Variants in EMSY observed in about 807,000 individuals in gnomAD.
EMSY encodes the protein EMSY transcriptional repressor, BRCA2 interacting.
Under a neutral mutation model 134.6 loss-of-function variants are expected in EMSY, and 26 were observed. The observed-to-expected ratio is 0.19, with a 90% CI of 0.14 to 0.27. The LOEUF is 0.27. Among genes scored for constraint, EMSY ranks in the 10% least tolerant of loss-of-function variants. EMSY has a pLI of 1.00. For missense variants in EMSY, 1,305 were observed against 1,611.4 expected, an observed-to-expected ratio of 0.81 and a Z score of 3.26; for synonymous variants, 579 against 577.8, an observed-to-expected ratio of 1.00 and a Z score of -0.03.
At chr11:76,505,934 C>T (rs562766292) in intron 9 of EMSY, among the ~76,000 whole-genome samples, 3 of 151,818 alleles carry the variant, frequency 2.0e-5, no homozygotes, top group South Asian at 2.1e-4. Flanking sequence ...TAGGCCAAGG[C>T]GAGAGAATCA....
At chr11:76,545,265 A>G (rs1951600398) in intron 19 of EMSY, among the ~76,000 whole-genome samples, 1 of 152,056 alleles carries the variant, frequency 6.6e-6, no homozygotes, top group African/African-American at 2.4e-5. Context: ...AGTTAACTTT[A>G]TTTTTTAGAT....
chr11:76,474,115 CA>C (rs11407539), intron 8 of EMSY, among the ~76,000 whole-genome samples: 1,384 of 128,630 alleles, frequency 0.011, 20 homozygotes, highest in East Asian at 0.059. Flanking sequence ...GACCCTGTCT[CA>C]AAAAAAAAAA....
intron 8 of EMSY, among the ~76,000 whole-genome samples, chr11:76,483,169 G>A (rs1054405814): frequency 3.3e-5 from 5 of 152,084 alleles, no homozygotes; most frequent in African/African-American, 1.2e-4. Context: ...ATAAGTGAAG[G>A]AGAAATAAAA....
intron 4 of EMSY, among the ~76,000 whole-genome samples, chr11:76,456,576 T>A (rs1240554571): frequency 1.3e-5 from 2 of 152,194 alleles, no homozygotes; most frequent in Non-Finnish European, 2.9e-5. Context: ...CCTCTAACAA[T>A]GAGCTTTTCT....
At chr11:76,465,466 G>A (rs1590809430) in intron 7 of EMSY, among the ~76,000 whole-genome samples, 1 of 151,792 alleles carries the variant, frequency 6.6e-6, no homozygotes, top group African/African-American at 2.4e-5. Context: ...AATTGTTACA[G>A]CCTTGCACGT....
At chr11:76,535,830 G>T (rs867384276) in intron 14 of EMSY, 65 bp from the exon 16 acceptor site, 394 of 907,090 alleles carry the variant, frequency 4.3e-4, no homozygotes, top group African/African-American at 4.3e-3. Context: ...AAAATTGTTT[G>T]TTTTTTTTTT....
chr11:76,472,515 ATTAGTAGT>A (rs1565290860), intron 7 of EMSY, 41 bp from the exon 9 acceptor site: 2 of 1,518,214 alleles, frequency 1.3e-6, no homozygotes, highest in Non-Finnish European at 9.1e-7. Context: ...GTCTAGATAC[ATTAGTAGT>A]TTAGTAGGTA....
At chr11:76,469,954 T>C (rs1948508372) in intron 7 of EMSY, among the ~76,000 whole-genome samples, 1 of 152,246 alleles carries the variant, frequency 6.6e-6, no homozygotes, top group South Asian at 2.1e-4. Flanking sequence ...GCTGATCTTA[T>C]GTATCTTTCT....
exon 21 of EMSY, chr11:76,550,098 G>A (rs1951793898): frequency 6.2e-7 from 1 of 1,613,658 alleles, no homozygotes; most frequent in Admixed American, 1.7e-5. Flanking sequence ...GTAGCACGGA[G>A]GATGGAACTG....
At chr11:76,511,655 G>A (rs891189013) in intron 9 of EMSY, among the ~76,000 whole-genome samples, 1 of 152,016 alleles carries the variant, frequency 6.6e-6, no homozygotes, top group Non-Finnish European at 1.5e-5. Context: ...AGCTGAGATT[G>A]CACCACTGTA....
intron 8 of EMSY, among the ~76,000 whole-genome samples, chr11:76,478,283 T>C (rs1948841106): frequency 6.6e-6 from 1 of 151,910 alleles, no homozygotes; most frequent in African/African-American, 2.4e-5. Context: ...ATCCCACCAC[T>C]ATACCACAAT....
At chr11:76,514,736 A>G (rs1464073475) in intron 10 of EMSY, among the ~76,000 whole-genome samples, 2 of 152,196 alleles carry the variant, frequency 1.3e-5, no homozygotes, top group African/African-American at 4.8e-5. Flanking sequence ...TGTTCATTCA[A>G]CAATAATGCT....
chr11:76,519,409 A>G (rs1272048166), intron 11 of EMSY, among the ~76,000 whole-genome samples: 1 of 152,212 alleles, frequency 6.6e-6, no homozygotes, highest in Non-Finnish European at 1.5e-5. Flanking sequence ...ATGTGTATAC[A>G]TTAGATTATC....
Position 76,458,249 on chromosome 11 carries a change from C to T in EMSY, c.312C>T (p.Pro104=), listed in dbSNP as rs551040791. Residue 104 remains proline (P), a synonymous_variant, in exon 5 of 21, where the codon CCC becomes CCT. Transcript: ENST00000334736. ...GTCGTCGATTGGTACCACTGATGCC[C>T]CGGCTCGTTCCCCAAACCGCCTTTA... The T allele has an allele frequency of 5.7e-4, 923 of 1,614,106 alleles. 22 individuals are homozygous for T. The South Asian group carries it at 9.7e-3, about 17-fold the overall frequency.
chr11:76,494,719 CTTCCTTCCTTCCTTCCT>C (rs1949577126), intron 8 of EMSY, among the ~76,000 whole-genome samples: 7 of 97,776 alleles, frequency 7.2e-5, no homozygotes, highest in African/African-American at 2.3e-4. Flanking sequence ...TCCTTCCTTC[CTTCCTTCCTTCCTTCCT>C]TTCCTTCCTT....
At chr11:76,548,712 C>G (rs1307025153) in intron 20 of EMSY, among the ~76,000 whole-genome samples, 1 of 152,158 alleles carries the variant, frequency 6.6e-6, no homozygotes, top group Non-Finnish European at 1.5e-5. Flanking sequence ...AAAAAAGAAG[C>G]AGAAACAAAC....
chr11:76,513,517 C>T (rs747185801), exon 10 of EMSY: 2 of 1,613,178 alleles, frequency 1.2e-6, no homozygotes, highest in African/African-American at 1.3e-5. Context: ...GACAACTAAA[C>T]TGGTAACCAC....
At chr11:76,551,130 A>G (rs17134964) in exon 21 of EMSY, 68 of 152,826 alleles carry the variant, frequency 4.4e-4, no homozygotes, top group African/African-American at 1.5e-3. Context: ...AATGTATAAA[A>G]AGTTCATTTA....
chr11:76,524,723 C>T (rs372306414), intron 12 of EMSY, among the ~76,000 whole-genome samples: 3 of 152,100 alleles, frequency 2.0e-5, no homozygotes, highest in Admixed American at 6.6e-5. Flanking sequence ...AGCAAATCAA[C>T]GTATAAGACC....
Sources: gnomAD v4.1 joint callset for allele counts (sites outside exome capture counted in the v4.1 genomes callset) on GRCh38, gnomAD v4.1.1 for gene constraint, MANE v1.5 for transcripts, NCBI Gene and HGNC (gene_info 2026-07-23, HGNC 2026-07-21) for gene names.